PPP2R5C: variants seen among roughly 807,000 people sequenced by gnomAD.
PPP2R5C encodes protein phosphatase 2 regulatory subunit B'gamma.
A neutral mutation model predicts 68.9 loss-of-function variants in PPP2R5C; 7 were observed. The ratio of observed to expected loss-of-function variants is 0.10; its 90% confidence interval spans 0.06 to 0.19. PPP2R5C has a LOEUF of 0.19. PPP2R5C is among the 10% of genes least tolerant of loss of function. The pLI is 1.00. For synonymous variants in PPP2R5C, 210 were observed against 222.2 expected, an observed-to-expected ratio of 0.95 and a Z score of 0.49; for missense variants, 348 against 641.3, an observed-to-expected ratio of 0.54 and a Z score of 4.94.
At chr14:101,772,537 G>A (rs1414752974) in intron 2 of PPP2R5C, among the ~76,000 whole-genome samples, 1 of 152,150 alleles carries the variant, frequency 6.6e-6, no homozygotes, top group Admixed American at 6.5e-5. Flanking sequence ...GCTCACGCCT[G>A]TAATCCTGGC....
intron 11 of PPP2R5C, 115 bp downstream of exon 13, chr14:101,909,805 C>T (rs1011832598): frequency 1.6e-6 from 1 of 615,878 alleles, no homozygotes; most frequent in Admixed American, 3.1e-5. Flanking sequence ...CAAAACCAAG[C>T]CTTTCATACT....
At chr14:101,927,893 C>T (rs1298050547) in exon 14 of PPP2R5C, 1 of 152,152 alleles carries the variant, frequency 6.6e-6, no homozygotes, top group Non-Finnish European at 1.5e-5. Context: ...ATACACTTGC[C>T]ATTTAATATG....
intron 1 of PPP2R5C, among the ~76,000 whole-genome samples, chr14:101,848,611 G>A (rs2041975225): frequency 6.6e-6 from 1 of 152,146 alleles, no homozygotes; most frequent in Non-Finnish European, 1.5e-5. Flanking sequence ...GTCTCAGGTA[G>A]ATCCAGGTGA....
rs758725196 is a variant in PPP2R5C, at chr14:101,917,256, C to T, written c.1327-575C>T. On this transcript the variant is annotated intron_variant, in intron 12 of 13. Transcript: ENST00000334743. This position sits in a 1 kb window ranked among gnomAD's most constrained non-coding sequence, Gnocchi z 4.4. ...CCGCCCGTAGGGAATGGAGAGGGAG[C>T]GTCAGGCTCACCCAGGCTGCGTTTG... 2.0e-5 allele frequency among the ~76,000 whole-genome samples: 3 copies of T among 152,082 alleles called. No individual in the cohort carries two copies. The highest frequency in any genetic ancestry group is 4.4e-5 in the Non-Finnish European group (3 of 68,014).
chr14:101,809,835 A>G, upstream of PPP2R5C: 2 of 1,466,564 alleles, frequency 1.4e-6, no homozygotes, highest in East Asian at 2.6e-5. Context: ...CGAACCAGCC[A>G]GTTCCCTCCA....
chr14:101,785,439 C>G (rs910089284), intron 2 of PPP2R5C, among the ~76,000 whole-genome samples: 44 of 152,302 alleles, frequency 2.9e-4, no homozygotes, highest in African/African-American at 1.0e-3. Flanking sequence ...TTCCCACCTT[C>G]TAGAGGCCAC....
intron 3 of PPP2R5C, among the ~76,000 whole-genome samples, chr14:101,791,028 C>T (rs906418463): frequency 6.6e-6 from 1 of 151,556 alleles, no homozygotes; most frequent in Non-Finnish European, 1.5e-5. Flanking sequence ...TGCAGTGAGC[C>T]GAGATCACAC....
At chr14:101,809,432 T>G (rs115077653), upstream of PPP2R5C, among the ~76,000 whole-genome samples, 11 of 150,080 alleles carry the variant, frequency 7.3e-5, no homozygotes, top group African/African-American at 2.7e-4. Context: ...GTTGCCAGAA[T>G]CCTACCTAAG....
intron 3 of PPP2R5C, among the ~76,000 whole-genome samples, chr14:101,801,188 C>G (rs1042640372): frequency 6.6e-5 from 10 of 152,128 alleles, no homozygotes; most frequent in African/African-American, 2.4e-4. Context: ...TTATATATTT[C>G]AAAGTAGCTG....
intron 3 of PPP2R5C, among the ~76,000 whole-genome samples, chr14:101,787,567 T>A (rs553073076): frequency 6.7e-6 from 1 of 150,048 alleles, no homozygotes; most frequent in East Asian, 1.9e-4. Context: ...ATCAAGACCA[T>A]CCTGGCTAAC....
intron 2 of PPP2R5C, among the ~76,000 whole-genome samples, chr14:101,784,184 C>T (rs570099228): frequency 6.6e-6 from 1 of 152,252 alleles, no homozygotes; most frequent in South Asian, 2.1e-4. Flanking sequence ...TTCCTAAGCA[C>T]CTTAGTAGAA....
At chr14:101,846,763 G>T (rs948081637) in intron 1 of PPP2R5C, among the ~76,000 whole-genome samples, 2 of 152,180 alleles carry the variant, frequency 1.3e-5, no homozygotes, top group African/African-American at 4.8e-5. Context: ...ATGGGCTGTA[G>T]CTAAGGGCCT....
At chr14:101,876,936 T>G (rs1042368040) in intron 2 of PPP2R5C, among the ~76,000 whole-genome samples, 21 of 150,786 alleles carry the variant, frequency 1.4e-4, no homozygotes, top group Admixed American at 1.3e-4. Flanking sequence ...AAAAAGGATT[T>G]ACGCTTTTTT....
chr14:101,861,140 A>G (rs978205971), intron 2 of PPP2R5C, among the ~76,000 whole-genome samples: 2 of 152,250 alleles, frequency 1.3e-5, no homozygotes, highest in African/African-American at 4.8e-5. Context: ...TCAATGTAGT[A>G]AAAGTAAAGC....
intron 2 of PPP2R5C, among the ~76,000 whole-genome samples, chr14:101,867,020 C>G (rs1448659000): frequency 6.6e-6 from 1 of 152,128 alleles, no homozygotes; most frequent in Non-Finnish European, 1.5e-5. Flanking sequence ...AGTTCAAGAG[C>G]AGCCTGGCCA....
intron 2 of PPP2R5C, among the ~76,000 whole-genome samples, chr14:101,785,662 C>CT (rs1370746864): frequency 3.3e-5 from 5 of 152,220 alleles, no homozygotes; most frequent in Non-Finnish European, 7.3e-5. Flanking sequence ...TGAATCCCAT[C>CT]TGCAGAGTCC....
intron 1 of PPP2R5C, chr14:101,810,175 T>C (rs904631820): frequency 1.7e-5 from 13 of 774,860 alleles, no homozygotes; most frequent in Non-Finnish European, 2.5e-5. Context: ...CCAGAGGAGG[T>C]TGGGTGTGTC....
chr14:101,881,633 C>G (rs760932931), intron 2 of PPP2R5C, among the ~76,000 whole-genome samples: 1 of 152,186 alleles, frequency 6.6e-6, no homozygotes. Flanking sequence ...TCTTAGCTGC[C>G]GACTCAAAGG....
At chr14:101,789,470 A>G (rs879906949) in intron 3 of PPP2R5C, among the ~76,000 whole-genome samples, 3 of 152,032 alleles carry the variant, frequency 2.0e-5, no homozygotes, top group Non-Finnish European at 2.9e-5. Flanking sequence ...ATGCCATATG[A>G]TTTTCCTCTT....
Sources: allele counts gnomAD v4.1 joint callset (sites outside exome capture counted in the v4.1 genomes callset), GRCh38; gene constraint gnomAD v4.1.1; non-coding constraint Gnocchi (gnomAD v3.1); transcripts MANE v1.5; gene names NCBI Gene and HGNC (gene_info 2026-07-23, HGNC 2026-07-21).